RMC1: variants seen among roughly 807,000 people sequenced by gnomAD.
RMC1 encodes the protein regulator of MON1-CCZ1 complex.
In RMC1, 44 loss-of-function variants were observed where a neutral mutation model predicts 95.5. That is an observed-to-expected ratio of 0.46 (90% CI 0.36 to 0.59). The LOEUF (loss-of-function observed/expected upper bound fraction) is 0.59. Among genes scored for constraint, RMC1 ranks in the 20% least tolerant of loss-of-function variants. RMC1 has a pLI of 0.00. For missense variants in RMC1, 705 were observed against 819.6 expected, an observed-to-expected ratio of 0.86 and a Z score of 1.71; for synonymous variants, 320 against 303.6, an observed-to-expected ratio of 1.05 and a Z score of -0.56.
chr18:23,515,930 C>T lies in RMC1; in HGVS notation c.483C>T (p.Pro161=), dbSNP rs764440148. 82 of 1,614,002 alleles carry T rather than the reference C, an allele frequency of 5.1e-5. No individual in the cohort carries two copies. The highest frequency in any genetic ancestry group is 8.8e-5 in the South Asian group (8 of 91,084). The change falls in exon 6 of 20, where the codon CCC becomes CCT. Residue 161 remains proline (P), a synonymous_variant. Transcript: ENST00000269221. ...NLNVNWYMYC[P]ESAVILLSTT... is the part of the protein sequence containing the mutation. ...ATGTGAATTGGTACATGTACTGCCC[C>T]GAGAGCGCCGTGATCTTGCTGTCTA...
At chr18:23,510,521 C>T (rs1193091997) in intron 5 of RMC1, among the ~76,000 whole-genome samples, 2 of 152,036 alleles carry the variant, frequency 1.3e-5, no homozygotes, top group African/African-American at 4.8e-5. Context: ...GTGGCAGGCA[C>T]CTGTAATCCC....
chr18:23,518,620 T>C (rs2058069438), intron 7 of RMC1, among the ~76,000 whole-genome samples: 1 of 152,176 alleles, frequency 6.6e-6, no homozygotes, highest in South Asian at 2.1e-4. Context: ...AACTATTACA[T>C]GTGTTTCTTT....
In RMC1 at chr18:23,515,779, C is replaced by T. The variant is rs1883834118; in HGVS notation, c.409-77C>T. ...AACTCCTGACCTCAGGTGATCCGCC[C>T]ACCTTAGCCTCCCAAAGTGCTGGGA... On this transcript the variant is annotated intron_variant, in intron 5 of 19. Coordinates refer to ENST00000269221, the MANE Select transcript of RMC1 (RefSeq NM_013326.5). 3 of 1,569,310 alleles carry T rather than the reference C, an allele frequency of 1.9e-6. No individual in the cohort carries two copies. The East Asian group carries it at 6.8e-5, about 35-fold the overall frequency.
At chr18:23,523,870 T>C (rs2058217008) in intron 10 of RMC1, among the ~76,000 whole-genome samples, 1 of 152,216 alleles carries the variant, frequency 6.6e-6, no homozygotes. Context: ...TCTTTGGTTA[T>C]TAAAAATAAC....
At chr18:23,505,467 ATGG>A (rs1567910880) in intron 2 of RMC1, among the ~76,000 whole-genome samples, 1 of 152,184 alleles carries the variant, frequency 6.6e-6, no homozygotes, top group African/African-American at 2.4e-5. Context: ...GGAAGGGGAA[ATGG>A]TGGTGGTGTG....
chr18:23,515,717 G>C, intron 5 of RMC1, 139 bp from the exon 6 acceptor site: 1 of 913,510 alleles, frequency 1.1e-6, no homozygotes, highest in Non-Finnish European at 1.6e-6. Context: ...ATTTTTAGTA[G>C]AGATGGGGTT....
chr18:23,504,092 A>ACTGTACTTCAGGCGTATCAGCGGCGC (rs1327942423), intron 1 of RMC1, among the ~76,000 whole-genome samples: 7 of 152,202 alleles, frequency 4.6e-5, no homozygotes, highest in African/African-American at 1.7e-4. Flanking sequence ...GGGGGAAAAG[A>ACTGTACTTCAGGCGTATCAGCGGCGC]CTGTACTTCA....
rs756231382 is a variant in RMC1 at position 23,507,032 on chromosome 18, T to C, written c.242T>C (p.Val81Ala). ...KFSLENKILA[V>A]QRTSKTVDFC... Reference sequence around the variant, plus strand: ...TCCTTAGAAAATAAGATATTGGCTGTTCAGAGGACCTCAAAGACTGTGGTA... The same window carrying C: ...TCCTTAGAAAATAAGATATTGGCTGCTCAGAGGACCTCAAAGACTGTGGTA... The change falls in exon 3 of 20, where the codon GTT becomes GCT. Residue 81 changes from valine (V) to alanine (A), a missense_variant. Coordinates refer to ENST00000269221, the MANE Select transcript of RMC1 (RefSeq NM_013326.5). The C allele has an allele frequency of 6.8e-6, 11 of 1,607,880 alleles. No homozygotes were observed. In the Admixed American group the frequency reaches 1.0e-4, roughly 15 times the overall value.
intron 7 of RMC1, among the ~76,000 whole-genome samples, chr18:23,517,000 A>G (rs1226071006): frequency 6.6e-6 from 1 of 152,122 alleles, no homozygotes; most frequent in East Asian, 1.9e-4. Flanking sequence ...TGCTGGGATT[A>G]CAGGCATGAG....
At chr18:23,526,463 TGCTCCTGAATG>T (rs1188109875) in intron 12 of RMC1, among the ~76,000 whole-genome samples, 163 bp from the exon 13 acceptor site, 2 of 152,078 alleles carry the variant, frequency 1.3e-5, no homozygotes, top group African/African-American at 2.4e-5. Flanking sequence ...GCTCCTGAAT[TGCTCCTGAATG>T]GCTCAGCTCT....
chr18:23,530,736 C>T, intron 19 of RMC1, 124 bp downstream of exon 19: 1 of 828,724 alleles, frequency 1.2e-6, no homozygotes, highest in East Asian at 2.7e-5. Context: ...GATAACAGCC[C>T]ACCTAGCCCT....
At chr18:23,517,331 G>A (rs1183935741) in intron 7 of RMC1, among the ~76,000 whole-genome samples, 1 of 151,856 alleles carries the variant, frequency 6.6e-6, no homozygotes, top group Admixed American at 6.6e-5. Flanking sequence ...TGTATTTTTA[G>A]TAGAGACAGG....
chr18:23,504,331 C>A (rs759548039), intron 1 of RMC1, 40 bp from the exon 2 acceptor site: 1 of 1,581,758 alleles, frequency 6.3e-7, no homozygotes, highest in Non-Finnish European at 8.7e-7. Flanking sequence ...TAGATCCTTT[C>A]AGAGTTCAGG....
At chr18:23,524,256 G>A in intron 11 of RMC1, 82 bp downstream of exon 11, 1 of 1,564,242 alleles carries the variant, frequency 6.4e-7, no homozygotes. Flanking sequence ...CCTCCTCCGG[G>A]CAGCTGTGAA....
At chr18:23,525,570 A>G (rs538632445) in intron 12 of RMC1, among the ~76,000 whole-genome samples, 1 of 152,220 alleles carries the variant, frequency 6.6e-6, no homozygotes. Context: ...GATTACAGGC[A>G]TGCGCCACCA....
At chr18:23,521,980 A>G (rs1788820) in intron 10 of RMC1, among the ~76,000 whole-genome samples, 105,677 of 152,080 alleles carry the variant, frequency 0.69, 37,054 homozygotes, top group East Asian at 0.91. Context: ...TTGGAACCCT[A>G]GTAGTAATGT....
chr18:23,503,828 G>GT, intron 1 of RMC1, 108 bp downstream of exon 1: 1 of 940,234 alleles, frequency 1.1e-6, no homozygotes, highest in Non-Finnish European at 1.5e-6. Flanking sequence ...GTCCTGTCCC[G>GT]TCCCGTCCCA....
chr18:23,511,438 A>G (rs115510618), intron 5 of RMC1, among the ~76,000 whole-genome samples: 1,715 of 152,318 alleles, frequency 0.011, 26 homozygotes, highest in African/African-American at 0.039. Flanking sequence ...GAGTTTACGT[A>G]TGTAACAAAC....
intron 5 of RMC1, among the ~76,000 whole-genome samples, chr18:23,515,565 GTCAC>G (rs1196816129): frequency 6.6e-6 from 1 of 152,222 alleles, no homozygotes; most frequent in African/African-American, 2.4e-5. Context: ...ATCTCGCTCT[GTCAC>G]TCACGCTGGA....
Sources: allele counts gnomAD v4.1 joint callset (sites outside exome capture counted in the v4.1 genomes callset), GRCh38; gene constraint gnomAD v4.1.1; transcripts MANE v1.5; gene names NCBI Gene and HGNC (gene_info 2026-07-23, HGNC 2026-07-21).